The following DIAPH2 variants were observed in gnomAD, a reference collection of about 807,000 sequenced individuals.
DIAPH2 encodes the protein protein diaphanous homolog 2.
Under a neutral mutation model 92.7 loss-of-function variants are expected in DIAPH2, and 35 were observed. That is an observed-to-expected ratio of 0.38 (90% confidence interval 0.29 to 0.50). The LOEUF (loss-of-function observed/expected upper bound fraction) is 0.50. Among genes scored for constraint, DIAPH2 ranks in the 20% least tolerant of loss-of-function variants. The pLI is 0.94. For missense variants in DIAPH2, 701 were observed against 819.5 expected (o/e 0.86, Z 1.77); for synonymous variants, 301 against 280.4 (o/e 1.07, Z -0.73).
chrX:96,877,851 C>T (rs1279964737), intron 4 of DIAPH2, among the ~76,000 whole-genome samples: 3 of 112,070 alleles, frequency 2.7e-5, no homozygotes, highest in Non-Finnish European at 5.6e-5. Context: ...GTATCTCCAT[C>T]CTAATGATTT....
chrX:96,898,537 T>A (rs1289561805), intron 5 of DIAPH2, among the ~76,000 whole-genome samples: 1 of 98,272 alleles, frequency 1.0e-5, no homozygotes, highest in African/African-American at 3.5e-5. Context: ...TTGAGAAGTG[T>A]CTGTTCATGT....
chrX:96,954,098 G>C (rs898172628), intron 15 of DIAPH2: 1 of 112,092 alleles, frequency 8.9e-6, no homozygotes, highest in Non-Finnish European at 1.9e-5. Context: ...ACAAAGCCAC[G>C]GGTGAGGAAG....
chrX:96,912,452 A>G, intron 6 of DIAPH2, 31 bp from the exon 7 acceptor site: 2 of 1,199,846 alleles, frequency 1.7e-6, no homozygotes, highest in South Asian at 3.6e-5. Context: ...ATGTTTCAGC[A>G]CAACATAATA....
chrX:96,851,470 C>A (rs1225613377), intron 4 of DIAPH2, among the ~76,000 whole-genome samples: 9 of 111,671 alleles, frequency 8.1e-5, no homozygotes, highest in Non-Finnish European at 1.7e-4. Context: ...AGAACCACCC[C>A]CCCTTGCCAA....
chrX:97,177,898 A>G (rs1334581322), intron 22 of DIAPH2, among the ~76,000 whole-genome samples: 3 of 110,922 alleles, frequency 2.7e-5, no homozygotes, highest in African/African-American at 9.8e-5. Flanking sequence ...AGAGTTATCA[A>G]CCTGATTTAA....
intron 22 of DIAPH2, among the ~76,000 whole-genome samples, chrX:97,246,720 A>T (rs1032977356): frequency 2.7e-5 from 3 of 112,383 alleles, no homozygotes; most frequent in Non-Finnish European, 3.8e-5. Context: ...TTGCTTAAAA[A>T]TAAGAAAGAA....
At chrX:97,292,291 C>G (rs2068598565) in intron 23 of DIAPH2, among the ~76,000 whole-genome samples, 2 of 110,531 alleles carry the variant, frequency 1.8e-5, no homozygotes, top group African/African-American at 3.3e-5. Context: ...GTGTCACCCT[C>G]CTAATATAGA....
intron 20 of DIAPH2, among the ~76,000 whole-genome samples, chrX:97,113,431 T>TAAAAAA (rs1233719523): frequency 9.0e-6 from 1 of 110,960 alleles, no homozygotes; most frequent in Non-Finnish European, 1.9e-5. Context: ...CCTGACCAGA[T>TAAAAAA]AAAAAAAAGT....
chrX:96,763,633 G>A lies in DIAPH2; in HGVS notation c.447+5375G>A, dbSNP rs759611108. Among the ~76,000 whole-genome samples the A allele has an allele frequency of 9.0e-5, 10 of 111,178 alleles. No individual in the cohort carries two copies. In the East Asian group the frequency reaches 2.8e-3, roughly 31 times the overall value. ...TTGGGCAAGTCATGTAATTTCTCTG[G>A]GGCTCAATTATTAAATGGATAAATT... On this transcript the variant is annotated intron_variant, in intron 4 of 26. Transcript: ENST00000324765.
chrX:96,803,906 G>A (rs1225807062), intron 4 of DIAPH2, among the ~76,000 whole-genome samples: 1 of 111,249 alleles, frequency 9.0e-6, no homozygotes, highest in Non-Finnish European at 1.9e-5. Context: ...GGGCACGGTG[G>A]CACGCGCCTG....
chrX:97,253,362 T>G (rs991888234), intron 23 of DIAPH2, among the ~76,000 whole-genome samples: 1 of 110,552 alleles, frequency 9.0e-6, no homozygotes, highest in African/African-American at 3.3e-5. Context: ...TTCTTAGCAT[T>G]TTTTGAAATA....
At chrX:97,113,255 CT>C (rs2066995012) in intron 20 of DIAPH2, among the ~76,000 whole-genome samples, 1 of 111,465 alleles carries the variant, frequency 9.0e-6, no homozygotes, top group Non-Finnish European at 1.9e-5. Flanking sequence ...AACTTAATTT[CT>C]TTTTACCTAT....
intron 26 of DIAPH2, among the ~76,000 whole-genome samples, chrX:97,480,364 C>T (rs1425700655): frequency 9.0e-6 from 1 of 111,705 alleles, no homozygotes; most frequent in African/African-American, 3.3e-5. Flanking sequence ...AAAGAACCAA[C>T]CCTGCCCTGT....
At chrX:97,549,177 A>G (rs1602662485) in intron 26 of DIAPH2, among the ~76,000 whole-genome samples, 1 of 112,231 alleles carries the variant, frequency 8.9e-6, no homozygotes, top group Admixed American at 9.5e-5. Flanking sequence ...GGCTTGCTAA[A>G]TAGCTTCAGC....
intron 17 of DIAPH2, among the ~76,000 whole-genome samples, chrX:97,030,495 T>C (rs182449368): frequency 9.0e-6 from 1 of 111,706 alleles, no homozygotes; most frequent in Non-Finnish European, 1.9e-5. Context: ...TTTTGATGGT[T>C]TTGTTATACT....
chrX:97,345,288 A>G (rs773588280), intron 23 of DIAPH2, among the ~76,000 whole-genome samples: 3 of 111,828 alleles, frequency 2.7e-5, no homozygotes, highest in African/African-American at 9.7e-5. Flanking sequence ...AGCATGAAAG[A>G]GGCTGTTGTG....
intron 13 of DIAPH2, among the ~76,000 whole-genome samples, chrX:96,944,412 GA>G (rs1489320478): frequency 9.0e-6 from 1 of 111,328 alleles, no homozygotes; most frequent in African/African-American, 3.2e-5. Context: ...TATACAATTT[GA>G]TAAATTTTGC....
intron 4 of DIAPH2, among the ~76,000 whole-genome samples, chrX:96,877,341 T>A (rs920205075): frequency 4.5e-5 from 5 of 112,156 alleles, no homozygotes; most frequent in Non-Finnish European, 9.4e-5. Context: ...GATGATAGAT[T>A]AGAAACTTAT....
At chrX:97,335,003 A>AAAAAAC (rs1436445674) in intron 23 of DIAPH2, among the ~76,000 whole-genome samples, 97 of 99,833 alleles carry the variant, frequency 9.7e-4, no homozygotes, top group African/African-American at 3.1e-3. Flanking sequence ...CAAAACAAAA[A>AAAAAAC]AAAAAAAAAA....
Sources: allele counts gnomAD v4.1 joint callset (sites outside exome capture counted in the v4.1 genomes callset), GRCh38; gene constraint gnomAD v4.1.1; transcripts MANE v1.5; gene names NCBI Gene and HGNC (gene_info 2026-07-23, HGNC 2026-07-21).